Variants in PALS2 observed in about 807,000 individuals in gnomAD.
PALS2 encodes protein PALS2.
PALS2 carries 27 observed loss-of-function variants against 61.6 expected under a neutral mutation model. The observed-to-expected ratio is 0.44, with a 90% CI of 0.32 to 0.60. PALS2 has a LOEUF of 0.60. PALS2 is among the 20% of genes least tolerant of loss of function. PALS2 has a pLI of 0.05. For missense variants in PALS2, 554 were observed against 639.4 expected (o/e 0.87, Z 1.44); for synonymous variants, 236 against 218.6 (o/e 1.08, Z -0.70).
intron 3 of PALS2, among the ~76,000 whole-genome samples, chr7:24,644,717 T>C (rs114301663): frequency 0.024 from 3,681 of 152,124 alleles, 163 homozygotes; most frequent in African/African-American, 0.084. Context: ...TTGATGAATC[T>C]CCATACTGCT....
intron 5 of PALS2, among the ~76,000 whole-genome samples, chr7:24,657,665 T>C (rs188708367): frequency 4.6e-5 from 7 of 152,338 alleles, no homozygotes; most frequent in Admixed American, 4.6e-4. Flanking sequence ...TTTCATTCTC[T>C]TAACAATGTC....
intron 9 of PALS2, among the ~76,000 whole-genome samples, chr7:24,669,933 G>C (rs1312307607): frequency 1.3e-5 from 2 of 152,132 alleles, no homozygotes; most frequent in African/African-American, 4.8e-5. Flanking sequence ...AAATTCATAT[G>C]TGCCCAATAT....
intron 9 of PALS2, chr7:24,674,541 A>T (rs1413787445): frequency 6.6e-6 from 1 of 152,348 alleles, no homozygotes. Flanking sequence ...GGTAATGAAC[A>T]TGCTGCTGGA....
chr7:24,621,711 T>A (rs1784528963), intron 1 of PALS2, among the ~76,000 whole-genome samples: 1 of 152,044 alleles, frequency 6.6e-6, no homozygotes, highest in Non-Finnish European at 1.5e-5. Context: ...CTGTATTTTA[T>A]AAGCCATTTA....
chr7:24,608,794 G>A (rs1406332083), intron 1 of PALS2, among the ~76,000 whole-genome samples: 1 of 151,904 alleles, frequency 6.6e-6, no homozygotes, highest in South Asian at 2.1e-4. Context: ...TTTTCTTTTT[G>A]TAGAGATGAG....
At chr7:24,593,374 T>G (rs767960565) in intron 1 of PALS2, among the ~76,000 whole-genome samples, 48 of 152,152 alleles carry the variant, frequency 3.2e-4, no homozygotes, top group Non-Finnish European at 5.6e-4. Context: ...TCCAGACTCC[T>G]GTGAATCAAC....
At chr7:24,603,586 A>G (rs990315469) in intron 1 of PALS2, among the ~76,000 whole-genome samples, 1 of 152,160 alleles carries the variant, frequency 6.6e-6, no homozygotes, top group Non-Finnish European at 1.5e-5. Flanking sequence ...TCACAGCTCA[A>G]CTCACTGAGA....
intron 1 of PALS2, among the ~76,000 whole-genome samples, chr7:24,594,068 G>T (rs528850524): frequency 6.6e-6 from 1 of 152,168 alleles, no homozygotes; most frequent in African/African-American, 2.4e-5. Context: ...GATCTTTTGG[G>T]TAACTTCTTG....
intron 1 of PALS2, among the ~76,000 whole-genome samples, chr7:24,600,675 T>A (rs923433045): frequency 1.3e-5 from 2 of 152,056 alleles, no homozygotes; most frequent in African/African-American, 4.8e-5. Context: ...CATTTAACTA[T>A]TTTTTATAGG....
rs570147365 is a variant in PALS2 at position 24,624,687 on chromosome 7, A to G, written c.117+903A>G. Among the ~76,000 whole-genome samples the G allele has an allele frequency of 2.1e-5, 3 of 144,690 alleles. No individual in the cohort carries two copies. The East Asian group carries it at 6.2e-4, about 30-fold the overall frequency. 94.9% of individuals were successfully genotyped at this position (144,690 alleles called of 152,430 possible). On this transcript the variant is annotated intron_variant, in intron 2 of 11. Transcript: ENST00000222644. ...ACTGGCACGATCTCAGCTCACTGCA[A>G]CCTCTGCCTGCTGGGTTCAAGTGAT... is the stretch of plus-strand genomic sequence containing the variant.
rs867509454 is a variant in PALS2, at chr7:24,640,285, G to A, written c.118-1431G>A. Among the ~76,000 whole-genome samples the A allele has an allele frequency of 8.0e-5, 12 of 150,604 alleles. No homozygotes were observed. In the South Asian group the frequency reaches 1.9e-3, roughly 24 times the overall value. ...TCTTTAAAATCTTGCTTAATATATA[G>A]CTTTCTTTTCCACTTAAGAACTTAT... On this transcript the variant is annotated intron_variant, in intron 2 of 11. Coordinates refer to ENST00000222644, the MANE Select transcript of PALS2 (RefSeq NM_001303037.2).
chr7:24,689,094 A>G lies in PALS2; in HGVS notation c.*1480A>G, dbSNP rs1247038389. The G allele has an allele frequency of 6.6e-6, 1 of 152,210 alleles. No individual in the cohort carries two copies. The highest frequency in any genetic ancestry group is 1.5e-5 in the Non-Finnish European group (1 of 68,050). 9.4% of individuals were successfully genotyped at this position (152,210 alleles called of 1,614,324 possible). A position where few individuals can be genotyped will look rare whatever the true frequency, so the allele number is the denominator to read the frequency against. Reference sequence around the variant, plus strand: ...CTCCCAAAGTGCTGAGATTACAAGCATGAGCCACTGCACCTAGCCAAGAAG... The same window carrying G: ...CTCCCAAAGTGCTGAGATTACAAGCGTGAGCCACTGCACCTAGCCAAGAAG... On this transcript the variant is annotated 3_prime_UTR_variant, in exon 12 of 12. Transcript: ENST00000222644.
At chr7:24,657,979 A>C (rs761303669) in intron 5 of PALS2, among the ~76,000 whole-genome samples, 80 of 151,504 alleles carry the variant, frequency 5.3e-4, no homozygotes, top group Non-Finnish European at 1.0e-3. Context: ...CAAATTTAGA[A>C]AAACTTTGAC....
chr7:24,635,771 T>C (rs1428574504), intron 2 of PALS2, among the ~76,000 whole-genome samples: 1 of 152,216 alleles, frequency 6.6e-6, no homozygotes, highest in East Asian at 1.9e-4. Context: ...TGACATAATA[T>C]TTTATTTTAT....
At chr7:24,578,370 C>T (rs1212390082) in intron 1 of PALS2, among the ~76,000 whole-genome samples, 3 of 152,152 alleles carry the variant, frequency 2.0e-5, no homozygotes, top group South Asian at 4.1e-4. Context: ...TCTGAGGTTT[C>T]GGTGTTCAAA....
At chr7:24,612,757 T>C (rs1174259423) in intron 1 of PALS2, among the ~76,000 whole-genome samples, 1 of 151,892 alleles carries the variant, frequency 6.6e-6, no homozygotes, top group Non-Finnish European at 1.5e-5. Context: ...CTTCAGACCT[T>C]TCTGCAGTTC....
intron 1 of PALS2, among the ~76,000 whole-genome samples, chr7:24,590,466 C>G (rs1270959529): frequency 6.6e-6 from 1 of 152,034 alleles, no homozygotes; most frequent in Non-Finnish European, 1.5e-5. Context: ...TTGGGGTGTT[C>G]TGAACTAGGC....
chr7:24,598,453 CAT>C (rs545861363), intron 1 of PALS2, among the ~76,000 whole-genome samples: 1 of 152,120 alleles, frequency 6.6e-6, no homozygotes, highest in Non-Finnish European at 1.5e-5. Flanking sequence ...GTGAGGAAAA[CAT>C]ATTAAAATAG....
At chr7:24,607,595 GTGTGTGTATATATACATATATA>G (rs1365983563) in intron 1 of PALS2, among the ~76,000 whole-genome samples, 14 of 131,496 alleles carry the variant, frequency 1.1e-4, no homozygotes, top group Non-Finnish European at 1.7e-4. Flanking sequence ...ATACATATAT[GTGTGTGTATATATACATATATA>G]TGTGTGTATA....
Sources: gnomAD v4.1 joint callset for allele counts (sites outside exome capture counted in the v4.1 genomes callset) on GRCh38, gnomAD v4.1.1 for gene constraint, MANE v1.5 for transcripts, NCBI Gene and HGNC (gene_info 2026-07-23, HGNC 2026-07-21) for gene names.